Variants in NEXMIF observed in about 807,000 individuals in gnomAD.
The protein encoded by NEXMIF is XLMR protein related to neurite extension.
Under a neutral mutation model 62.1 loss-of-function variants are expected in NEXMIF, and 8 were observed. That is an observed-to-expected ratio of 0.13 (90% CI 0.08 to 0.23). The LOEUF (loss-of-function observed/expected upper bound fraction) is 0.23, where lower values mean the gene tolerates loss of function less well. Among genes scored for constraint, NEXMIF ranks in the 10% least tolerant of loss-of-function variants. NEXMIF has a pLI of 1.00. For missense variants in NEXMIF, 976 were observed against 1,113.3 expected, an observed-to-expected ratio of 0.88 and a Z score of 1.75; for synonymous variants, 404 against 416.6, an observed-to-expected ratio of 0.97 and a Z score of 0.37.
chrX:74,879,715 C>T (rs1181072878), intron 1 of NEXMIF, among the ~76,000 whole-genome samples: 1 of 111,954 alleles, frequency 8.9e-6, no homozygotes, highest in Non-Finnish European at 1.9e-5. Context: ...CCTAATTGAA[C>T]TATTCACTTT....
chrX:74,886,516 G>C (rs2080694104), intron 1 of NEXMIF, among the ~76,000 whole-genome samples: 1 of 111,605 alleles, frequency 9.0e-6, no homozygotes, highest in African/African-American at 3.3e-5. Flanking sequence ...CAGACAAACA[G>C]AGAGCCAAAT....
At chrX:74,744,531 C>T in intron 2 of NEXMIF, 54 bp from the exon 3 acceptor site, 2 of 868,569 alleles carry the variant, frequency 2.3e-6, no homozygotes, top group South Asian at 2.8e-5. Context: ...TTAGACCAGA[C>T]TCATTAACTC....
intron 1 of NEXMIF, among the ~76,000 whole-genome samples, chrX:74,815,965 T>C (rs1441277430): frequency 9.0e-6 from 1 of 111,546 alleles, no homozygotes; most frequent in Admixed American, 9.6e-5. Context: ...ATTCTTGTTC[T>C]CTAACAAACT....
At chrX:74,890,370 G>C (rs976168512) in intron 1 of NEXMIF, among the ~76,000 whole-genome samples, 1 of 110,928 alleles carries the variant, frequency 9.0e-6, no homozygotes, top group African/African-American at 3.3e-5. Flanking sequence ...ATGAGGGCCA[G>C]AAAAGGCCAA....
At chrX:74,779,959 T>C (rs758742848) in intron 1 of NEXMIF, among the ~76,000 whole-genome samples, 28 of 111,537 alleles carry the variant, frequency 2.5e-4, no homozygotes, top group African/African-American at 9.1e-4. Context: ...CAGATTTATA[T>C]AGTTTATACT....
chrX:74,833,707 T>G (rs762934175), intron 1 of NEXMIF, among the ~76,000 whole-genome samples: 4 of 111,800 alleles, frequency 3.6e-5, no homozygotes, highest in Non-Finnish European at 7.5e-5. Context: ...TGGTATGATT[T>G]AATTGTTTGC....
rs190243391 is a variant in NEXMIF at position 74,883,363 on chromosome X, G to C, written c.-48+41520C>G. ...AAACTACTCCGAGCTAAAGAAGGAAGTTCGAACCAATGGCAAAGAAGTTAA... is the reference window on the plus strand; with the variant it reads ...AAACTACTCCGAGCTAAAGAAGGAACTTCGAACCAATGGCAAAGAAGTTAA... On this transcript the variant is annotated intron_variant, in intron 1 of 3. Coordinates refer to ENST00000055682, the MANE Select transcript of NEXMIF (RefSeq NM_001008537.3). 3.0e-3 allele frequency among the ~76,000 whole-genome samples: 335 copies of C among 111,067 alleles called. 2 individuals carry two copies. Among genetic ancestry groups the C allele is most frequent in the African/African-American group, 0.011 (321 of 30,478 alleles).
chrX:74,787,245 T>C (rs1296597762), intron 1 of NEXMIF, among the ~76,000 whole-genome samples: 1 of 106,593 alleles, frequency 9.4e-6, no homozygotes, highest in Non-Finnish European at 1.9e-5. Context: ...ATCACGCCAC[T>C]GTACTCCAGT....
chrX:74,849,476 T>A (rs1355085730), intron 1 of NEXMIF, among the ~76,000 whole-genome samples: 4 of 112,204 alleles, frequency 3.6e-5, no homozygotes, highest in Non-Finnish European at 5.6e-5. Context: ...GGAGACTGCA[T>A]GATGGCATGC....
chrX:74,771,444 A>T (rs1044837707), intron 1 of NEXMIF, among the ~76,000 whole-genome samples: 12 of 111,443 alleles, frequency 1.1e-4, no homozygotes, highest in African/African-American at 3.9e-4. Context: ...ACTGCTAAAC[A>T]TTCTCTCAGT....
intron 1 of NEXMIF, among the ~76,000 whole-genome samples, chrX:74,915,134 A>T (rs537242038): frequency 1.8e-5 from 2 of 111,814 alleles, no homozygotes; most frequent in South Asian, 7.5e-4. Context: ...GATGGTGGAT[A>T]CACAAATATA....
At chrX:74,757,072 T>G (rs534299029) in intron 1 of NEXMIF, among the ~76,000 whole-genome samples, 7 of 111,823 alleles carry the variant, frequency 6.3e-5, no homozygotes, top group Non-Finnish European at 1.1e-4. Flanking sequence ...GTGCCAGGAT[T>G]TGGGCTCACT....
rs753744023 is a variant in NEXMIF at position 74,740,830 on chromosome X, G to A, written c.3727C>T (p.Arg1243Cys). ...NGEKMQIGIG[R>C]GGSQTNTISS... ...ATGGTGTTGGTTTGGCTTCCCCCAC[G>A]GCCAATGCCAATTTGCATTTTCTCT... is the stretch of plus-strand genomic sequence containing the variant. The change falls in exon 3 of 4, where the codon CGT (arginine) becomes TGT (cysteine). Residue 1243 changes from arginine to cysteine, a missense_variant. Around this residue, in one of 5 missense-constraint regions of NEXMIF, gnomAD observed 639 missense variants for 694.5 expected, o/e 0.92. Coordinates refer to ENST00000055682, the MANE Select transcript of NEXMIF (RefSeq NM_001008537.3). 8.3e-6 allele frequency: 10 copies of A among 1,210,508 alleles called. No homozygotes were observed. In the South Asian group the frequency reaches 8.8e-5, roughly 11 times the overall value.
At chrX:74,805,091 C>T (rs2080340998) in intron 1 of NEXMIF, among the ~76,000 whole-genome samples, 1 of 112,630 alleles carries the variant, frequency 8.9e-6, no homozygotes, top group Non-Finnish European at 1.9e-5. Context: ...CCAGATTCTT[C>T]ATGCCCCATG....
At chrX:74,903,880 C>CGT (rs3222701) in intron 1 of NEXMIF, among the ~76,000 whole-genome samples, 2,825 of 94,140 alleles carry the variant, frequency 0.03, 42 homozygotes, top group African/African-American at 0.034. Context: ...CAATTCTAAT[C>CGT]GTGTGTGTGT....
At chrX:74,870,667 C>T (rs190237459) in intron 1 of NEXMIF, among the ~76,000 whole-genome samples, 1 of 111,966 alleles carries the variant, frequency 8.9e-6, no homozygotes, top group South Asian at 3.7e-4. Flanking sequence ...TAGATCTGAA[C>T]AGACATTTCT....
At chrX:74,785,824 C>T (rs2080258770) in intron 1 of NEXMIF, among the ~76,000 whole-genome samples, 1 of 112,218 alleles carries the variant, frequency 8.9e-6, no homozygotes, top group South Asian at 3.7e-4. Flanking sequence ...AAAGGGCTGG[C>T]TTTGTCACTC....
intron 1 of NEXMIF, among the ~76,000 whole-genome samples, chrX:74,828,324 T>C (rs976787880): frequency 2.1e-4 from 24 of 111,960 alleles, no homozygotes; most frequent in Non-Finnish European, 3.8e-4. Context: ...GATACAGCAG[T>C]TGTAGGAATA....
At chrX:74,747,405 G>A (rs2080128956) in intron 1 of NEXMIF, among the ~76,000 whole-genome samples, 2 of 110,611 alleles carry the variant, frequency 1.8e-5, no homozygotes, top group African/African-American at 6.6e-5. Flanking sequence ...AAGAGACTAG[G>A]TGTTTTTTCT....
Sources: allele counts gnomAD v4.1 joint callset (sites outside exome capture counted in the v4.1 genomes callset), GRCh38; gene constraint gnomAD v4.1.1; regional missense constraint gnomAD v4.1.1; transcripts MANE v1.5; gene names NCBI Gene and HGNC (gene_info 2026-07-23, HGNC 2026-07-21).